APPBP2: variants seen among roughly 807,000 people sequenced by gnomAD.
APPBP2 encodes amyloid beta precursor protein binding protein 2, also known as amyloid protein-binding protein 2.
In APPBP2, 15 loss-of-function variants were observed where a neutral mutation model predicts 76.0. The ratio of observed to expected loss-of-function variants is 0.20; its 90% CI spans 0.13 to 0.30. The LOEUF is 0.30. Among genes scored for constraint, APPBP2 ranks in the 10% least tolerant of loss-of-function variants. The pLI is 1.00. For synonymous variants in APPBP2, 222 were observed against 242.2 expected (o/e 0.92, Z 0.77); for missense variants, 401 against 687.2 (o/e 0.58, Z 4.66).
intron 4 of APPBP2, among the ~76,000 whole-genome samples, chr17:60,478,584 G>C (rs1476886569): frequency 6.6e-6 from 1 of 152,180 alleles, no homozygotes; most frequent in African/African-American, 2.4e-5. Flanking sequence ...TTTGTTGAAT[G>C]AATAAACAAA....
intron 3 of APPBP2, among the ~76,000 whole-genome samples, chr17:60,485,709 CTCTGA>C (rs1184948605): frequency 6.6e-6 from 1 of 152,130 alleles, no homozygotes; most frequent in African/African-American, 2.4e-5. Flanking sequence ...TTCAGTTCTG[CTCTGA>C]TCTTAGTTAT....
chr17:60,480,096 A>C (rs2090617980), intron 3 of APPBP2, among the ~76,000 whole-genome samples: 1 of 152,220 alleles, frequency 6.6e-6, no homozygotes, highest in South Asian at 2.1e-4. Flanking sequence ...TAACCAGAAA[A>C]CACAAAGTAA....
chr17:60,469,231 C>T (rs2090533453), intron 4 of APPBP2, among the ~76,000 whole-genome samples: 1 of 147,126 alleles, frequency 6.8e-6, no homozygotes, highest in Non-Finnish European at 1.5e-5. Context: ...GAGGCTGAGG[C>T]AGAAGAATCG....
chr17:60,467,259 A>G (rs1452455586), intron 4 of APPBP2, among the ~76,000 whole-genome samples: 1 of 152,226 alleles, frequency 6.6e-6, no homozygotes, highest in African/African-American at 2.4e-5. Flanking sequence ...AAGGTATAAA[A>G]GCTATTTAAA....
At chr17:60,474,739 TGGTTTGAAAAGA>T (rs2090577084) in intron 4 of APPBP2, among the ~76,000 whole-genome samples, 2 of 152,158 alleles carry the variant, frequency 1.3e-5, no homozygotes. Flanking sequence ...TTTTCATCTC[TGGTTTGAAAAGA>T]ATCCTCATTT....
intron 1 of APPBP2, among the ~76,000 whole-genome samples, chr17:60,514,916 G>A (rs1420245115): frequency 6.6e-6 from 1 of 151,988 alleles, no homozygotes; most frequent in African/African-American, 2.4e-5. Flanking sequence ...TGATTCTTCT[G>A]CCTTAGCCTC....
rs551220170 is a variant in APPBP2, at chr17:60,444,179, G to T, written c.*3402C>A. The stretch of plus-strand genomic sequence containing the variant: ...CAACTAAGTTCCTCCACAGCCAAGA[G>T]GTGAAGTACACATCCACTTCTAAAG... On this transcript the variant is annotated 3_prime_UTR_variant, in exon 13 of 13. Coordinates refer to ENST00000083182, the MANE Select transcript of APPBP2 (RefSeq NM_006380.5). 1 of 151,714 alleles carries T rather than the reference G, an allele frequency of 6.6e-6. No homozygotes were observed. The highest frequency in any genetic ancestry group is 1.5e-5 in the Non-Finnish European group (1 of 67,972). The allele number at this position is 151,714 out of a possible 1,614,324, so 9.4% of individuals were successfully genotyped here.
Position 60,444,630 on chromosome 17 carries a change from T to G in APPBP2, c.*2951A>C, listed in dbSNP as rs945263812. On this transcript the variant is annotated 3_prime_UTR_variant, in exon 13 of 13. Coordinates refer to ENST00000083182, the MANE Select transcript of APPBP2 (RefSeq NM_006380.5). ...TTTTAACCAAGCAGAGACAGAGATT[T>G]GATGGTAGTAAGGGTCTCAATCCCT... The G allele has an allele frequency of 3.9e-5, 6 of 152,048 alleles. No homozygotes were observed. In the East Asian group the frequency reaches 1.2e-3, roughly 29 times the overall value. 9.4% of individuals were successfully genotyped at this position (152,048 alleles called of 1,614,324 possible).
chr17:60,474,296 G>A (rs1013853262), intron 4 of APPBP2, among the ~76,000 whole-genome samples: 2 of 151,332 alleles, frequency 1.3e-5, no homozygotes, highest in African/African-American at 2.4e-5. Context: ...TCAGCCTCCC[G>A]AAGTAGCTGG....
chr17:60,494,006 C>A (rs921793623), intron 3 of APPBP2, among the ~76,000 whole-genome samples: 3 of 152,156 alleles, frequency 2.0e-5, no homozygotes, highest in Non-Finnish European at 2.9e-5. Context: ...ATAACATCCA[C>A]ATGAGGAAAT....
intron 1 of APPBP2, among the ~76,000 whole-genome samples, chr17:60,508,623 A>C (rs984934605): frequency 6.6e-6 from 1 of 152,136 alleles, no homozygotes; most frequent in Admixed American, 6.6e-5. Context: ...CTACCTGCCT[A>C]AAGAAGTCTA....
intron 4 of APPBP2, among the ~76,000 whole-genome samples, chr17:60,476,045 CA>C (rs1359056137): frequency 6.6e-6 from 1 of 152,176 alleles, no homozygotes; most frequent in Non-Finnish European, 1.5e-5. Flanking sequence ...GGGTTATAGA[CA>C]ACAATTTTCT....
At chr17:60,451,276 C>A (rs2090392935) in intron 12 of APPBP2, among the ~76,000 whole-genome samples, 2 of 152,098 alleles carry the variant, frequency 1.3e-5, no homozygotes, top group Admixed American at 1.3e-4. Context: ...TGGGCAGTAA[C>A]TGCACAAATA....
At position 60,525,947 on chromosome 17, in the gene APPBP2, C is replaced by T. The variant is rs772783132; in HGVS notation, c.-16G>A. 10 of 1,558,508 alleles carry T rather than the reference C, an allele frequency of 6.4e-6. No individual in the cohort carries two copies. The highest frequency in any genetic ancestry group is 8.7e-6 in the Non-Finnish European group (10 of 1,149,668). On this transcript the variant is annotated 5_prime_UTR_variant, in exon 1 of 13. Coordinates refer to ENST00000083182, the MANE Select transcript of APPBP2 (RefSeq NM_006380.5). ...CGGCCGCCATCTTCCTTCCCTCCTC[C>T]TCCGCCTCCTCCGCCTCCTCCTCCC...
intron 4 of APPBP2, 145 bp downstream of exon 4, chr17:60,479,003 G>A: frequency 2.8e-6 from 2 of 713,314 alleles, no homozygotes. Flanking sequence ...TTAGAGATGA[G>A]AGGATGCCAG....
intron 1 of APPBP2, chr17:60,513,543 T>G (rs1347241324): frequency 8.2e-6 from 4 of 488,332 alleles, no homozygotes; most frequent in Non-Finnish European, 1.5e-5. Context: ...TCAAGATAGA[T>G]CCACCAAAAT....
intron 2 of APPBP2, among the ~76,000 whole-genome samples, chr17:60,497,365 AG>A (rs1386005895): frequency 6.6e-6 from 1 of 152,152 alleles, no homozygotes; most frequent in South Asian, 2.1e-4. Context: ...TAACTGGGAG[AG>A]GGGGGCAAAT....
intron 2 of APPBP2, among the ~76,000 whole-genome samples, chr17:60,494,974 GTTTTGTTTTGTTTT>G (rs1567934311): frequency 3.8e-4 from 53 of 140,626 alleles, no homozygotes; most frequent in African/African-American, 1.2e-3. Context: ...AGTTTTTTTT[GTTTTGTTTTGTTTT>G]TTTTTTTTTT....
At chr17:60,491,773 G>A (rs2090731253) in intron 3 of APPBP2, among the ~76,000 whole-genome samples, 1 of 152,094 alleles carries the variant, frequency 6.6e-6, no homozygotes, top group African/African-American at 2.4e-5. Flanking sequence ...GGAAAACAGA[G>A]CATAAAAGTT....
Sources: allele counts gnomAD v4.1 joint callset (sites outside exome capture counted in the v4.1 genomes callset), GRCh38; gene constraint gnomAD v4.1.1; transcripts MANE v1.5; gene names NCBI Gene and HGNC (gene_info 2026-07-23, HGNC 2026-07-21).